ZHX2: variants seen among roughly 807,000 people sequenced by gnomAD.
The protein encoded by ZHX2 is zinc fingers and homeoboxes 2, also known as zinc fingers and homeoboxes protein 2.
Under a neutral mutation model 21.9 loss-of-function variants are expected in ZHX2, and 6 were observed. The ratio of observed to expected loss-of-function variants is 0.27; its 90% CI spans 0.15 to 0.54. The LOEUF is 0.54. ZHX2 is among the 20% of genes least tolerant of loss of function. The probability of loss-of-function intolerance (pLI) is 0.95; values close to 1 mark genes in which losing one functional copy is unlikely to be tolerated. For synonymous variants in ZHX2, 434 were observed against 437.1 expected, an observed-to-expected ratio of 0.99 and a Z score of 0.09; for missense variants, 908 against 1,090.7, an observed-to-expected ratio of 0.83 and a Z score of 2.36.
intron 1 of ZHX2, among the ~76,000 whole-genome samples, chr8:122,855,320 A>C (rs1298695590): frequency 6.6e-6 from 1 of 152,164 alleles, no homozygotes; most frequent in Non-Finnish European, 1.5e-5. Flanking sequence ...TTTGTATGTG[A>C]TTTTTTGAAA....
intron 3 of ZHX2, among the ~76,000 whole-genome samples, chr8:122,966,990 T>C (rs1204714966): frequency 6.6e-6 from 1 of 152,228 alleles, no homozygotes; most frequent in Non-Finnish European, 1.5e-5. Flanking sequence ...TGTCTTTCAT[T>C]TCCAGAAGTT....
intron 1 of ZHX2, among the ~76,000 whole-genome samples, chr8:122,861,410 T>C (rs1323616362): frequency 6.6e-6 from 1 of 152,224 alleles, no homozygotes; most frequent in Non-Finnish European, 1.5e-5. Context: ...ATGTCTGATA[T>C]AACATAATGA....
At chr8:122,924,660 G>T (rs948568741) in intron 2 of ZHX2, among the ~76,000 whole-genome samples, 8 of 152,060 alleles carry the variant, frequency 5.3e-5, no homozygotes, top group African/African-American at 1.7e-4. Flanking sequence ...AGATCCAGAG[G>T]GCAATAGTCT....
At chr8:122,826,604 G>A (rs1818270879) in intron 1 of ZHX2, among the ~76,000 whole-genome samples, 1 of 152,182 alleles carries the variant, frequency 6.6e-6, no homozygotes, top group Admixed American at 6.5e-5. Context: ...ATCCTGACAC[G>A]GAGCTAACAG....
At chr8:122,926,700 C>G (rs1820863718) in intron 2 of ZHX2, among the ~76,000 whole-genome samples, 1 of 152,220 alleles carries the variant, frequency 6.6e-6, no homozygotes, top group African/African-American at 2.4e-5. Context: ...CTTGGAAGCT[C>G]TGGGTGAACA....
At chr8:122,851,382 G>A (rs1429485782) in intron 1 of ZHX2, among the ~76,000 whole-genome samples, 1 of 152,174 alleles carries the variant, frequency 6.6e-6, no homozygotes, top group African/African-American at 2.4e-5. Context: ...CTATGATGAT[G>A]GTGATGATGA....
At chr8:122,918,885 T>C (rs1586388192) in intron 2 of ZHX2, among the ~76,000 whole-genome samples, 1 of 150,986 alleles carries the variant, frequency 6.6e-6, no homozygotes, top group African/African-American at 2.4e-5. Context: ...GAGATGGAGG[T>C]TGCAGTGAGC....
chr8:122,783,833 G>GA lies in ZHX2; in HGVS notation c.-283+1893dup, dbSNP rs553957844. The stretch of plus-strand genomic sequence containing the variant: ...CACAGCTTCTTTTAAGGCCAGAAGG[G>GA]AAAAAATCTACAAGTAAGGCTGAAA... On this transcript the variant is annotated intron_variant, in intron 1 of 3. Transcript: ENST00000314393. 6.6e-5 allele frequency among the ~76,000 whole-genome samples: 10 copies of GA among 152,310 alleles called. No homozygotes were observed. In the East Asian group the frequency reaches 1.7e-3, roughly 26 times the overall value.
chr8:122,901,521 A>G (rs534265592), intron 2 of ZHX2, among the ~76,000 whole-genome samples: 12 of 152,304 alleles, frequency 7.9e-5, no homozygotes, highest in African/African-American at 2.9e-4. Flanking sequence ...TTGGCATGGA[A>G]TGCTCACTTT....
At chr8:122,813,398 G>A (rs116872237) in intron 1 of ZHX2, among the ~76,000 whole-genome samples, 5,292 of 152,184 alleles carry the variant, frequency 0.035, 97 homozygotes, top group East Asian at 0.052. Flanking sequence ...TGACCTGAAA[G>A]ACGCACCTCC....
Position 122,919,114 on chromosome 8 carries a change from C to T in ZHX2, c.-219-32178C>T, listed in dbSNP as rs151061699. Among the ~76,000 whole-genome samples, 448 of 152,318 alleles carry T rather than the reference C, an allele frequency of 2.9e-3. 4 individuals carry two copies. The highest frequency in any genetic ancestry group is 0.017 in the Middle Eastern group (5 of 294). On this transcript the variant is annotated intron_variant, in intron 2 of 3. Transcript: ENST00000314393. ...TCAGCGGTAGTCTCACTTAGCCAGG[C>T]AAGCCTTCCTCCCCAACCCCACCAT...
At chr8:122,851,992 T>G (rs866648839) in intron 1 of ZHX2, among the ~76,000 whole-genome samples, 2 of 152,296 alleles carry the variant, frequency 1.3e-5, no homozygotes, top group Middle Eastern at 3.4e-3. Flanking sequence ...CCGAATTGAT[T>G]TGGTTCTCCT....
chr8:122,799,111 C>G (rs1817667719), intron 1 of ZHX2, among the ~76,000 whole-genome samples: 1 of 152,342 alleles, frequency 6.6e-6, no homozygotes, highest in Non-Finnish European at 1.5e-5. Flanking sequence ...ACTGCCCCCT[C>G]CTTTACACTT....
chr8:122,973,467 A>C lies in ZHX2; in HGVS notation c.*230A>C, dbSNP rs889523335. The C allele has an allele frequency of 2.0e-5, 3 of 152,652 alleles. No homozygotes were observed. Among genetic ancestry groups the C allele is most frequent in the African/African-American group, 7.2e-5 (3 of 41,422 alleles). The allele number at this position is 152,652 out of a possible 1,614,324, so 9.5% of individuals were successfully genotyped here. A position where few individuals can be genotyped will look rare whatever the true frequency, so the allele number is the denominator to read the frequency against. On this transcript the variant is annotated 3_prime_UTR_variant, in exon 4 of 4. Coordinates refer to ENST00000314393, the MANE Select transcript of ZHX2 (RefSeq NM_014943.5). Reference sequence around the variant, plus strand: ...GCCAAAGTCCTACTACTGCGTTTTCAATGGGTCCTTGTACATAGTTTGCTC... The same window carrying C: ...GCCAAAGTCCTACTACTGCGTTTTCCATGGGTCCTTGTACATAGTTTGCTC...
intron 2 of ZHX2, among the ~76,000 whole-genome samples, chr8:122,921,933 G>T (rs796922944): frequency 6.6e-6 from 1 of 152,194 alleles, no homozygotes; most frequent in African/African-American, 2.4e-5. Context: ...GTCATCAAAA[G>T]GATTAAAAGA....
At chr8:122,880,996 T>C (rs1204893452) in intron 2 of ZHX2, among the ~76,000 whole-genome samples, 2 of 152,118 alleles carry the variant, frequency 1.3e-5, no homozygotes, top group Non-Finnish European at 2.9e-5. Context: ...TTCAGTGCAG[T>C]AAACCTGAGT....
In ZHX2 at chr8:122,782,118, G is replaced by C. The variant is rs1473563744; in HGVS notation, c.-283+172G>C. On this transcript the variant is annotated intron_variant, in intron 1 of 3. Coordinates refer to ENST00000314393, the MANE Select transcript of ZHX2 (RefSeq NM_014943.5). The surrounding 1 kb of genome is among the most constrained non-coding windows in gnomAD (Gnocchi z 5.3). Reference sequence around the variant, plus strand: ...GGCCGGGTTTGTGATTGGAAGGGGGGTACGGAAGGGGGGGGGTGTGCAGGC... The same window carrying C: ...GGCCGGGTTTGTGATTGGAAGGGGGCTACGGAAGGGGGGGGGTGTGCAGGC... Among the ~76,000 whole-genome samples the C allele has an allele frequency of 8.7e-6, 1 of 115,338 alleles. No individual in the cohort carries two copies. The highest frequency in any genetic ancestry group is 2.0e-5 in the Non-Finnish European group (1 of 51,234). The allele number at this position is 115,338 out of a possible 152,430, so 75.7% of individuals were successfully genotyped here.
intron 3 of ZHX2, among the ~76,000 whole-genome samples, chr8:122,954,740 G>C (rs1024715326): frequency 6.6e-6 from 1 of 152,190 alleles, no homozygotes; most frequent in Non-Finnish European, 1.5e-5. Flanking sequence ...CCAGCCTTCA[G>C]GCCTGTCCAT....
intron 2 of ZHX2, among the ~76,000 whole-genome samples, chr8:122,879,583 C>CGAAA (rs1158280891): frequency 6.6e-6 from 1 of 151,460 alleles, no homozygotes; most frequent in Non-Finnish European, 1.5e-5. Context: ...TTGATATCTT[C>CGAAA]CACAACAAGG....
Sources: allele counts gnomAD v4.1 joint callset (sites outside exome capture counted in the v4.1 genomes callset), GRCh38; gene constraint gnomAD v4.1.1; non-coding constraint Gnocchi (gnomAD v3.1); transcripts MANE v1.5; gene names NCBI Gene and HGNC (gene_info 2026-07-23, HGNC 2026-07-21).